The following HHAT variants were observed in gnomAD, a reference collection of about 807,000 sequenced individuals.
HHAT encodes the protein protein-cysteine N-palmitoyltransferase HHAT.
A neutral mutation model predicts 70.8 loss-of-function variants in HHAT; 47 were observed. The observed-to-expected ratio is 0.66, with a 90% CI of 0.53 to 0.85. The LOEUF (loss-of-function observed/expected upper bound fraction) is 0.85, where lower values mean the gene tolerates loss of function less well. HHAT is among the 40% of genes least tolerant of loss of function. The pLI, the probability that HHAT is intolerant of heterozygous loss-of-function variation, is 0.00. For missense variants in HHAT, 609 were observed against 604.8 expected (o/e 1.01, Z -0.07); for synonymous variants, 228 against 247.6 (o/e 0.92, Z 0.74).
chr1:210,654,540 T>G (rs1675977048), intron 11 of HHAT, among the ~76,000 whole-genome samples: 1 of 152,270 alleles, frequency 6.6e-6, no homozygotes, highest in African/African-American at 2.4e-5. Flanking sequence ...TTTATTGTTT[T>G]ACATCAGATT....
rs995098511 is a variant in HHAT, at chr1:210,571,385, G to A, written c.1044-16513G>A. ...CATGAAATGGCTCTGCTTGGCAGCTGCCCCTTGCCTGCAGTTTCTCCTGTC... is the reference window on the plus strand; with the variant it reads ...CATGAAATGGCTCTGCTTGGCAGCTACCCCTTGCCTGCAGTTTCTCCTGTC... On this transcript the variant is annotated intron_variant, in intron 9 of 11. Coordinates refer to ENST00000261458, the MANE Select transcript of HHAT (RefSeq NM_018194.6). 1.5e-3 allele frequency among the ~76,000 whole-genome samples: 225 copies of A among 152,264 alleles called. 1 individual carries two copies. The highest frequency in any genetic ancestry group is 3.1e-4 in the Non-Finnish European group (21 of 68,028).
chr1:210,366,814 T>C (rs1297022404), intron 3 of HHAT, among the ~76,000 whole-genome samples: 2 of 152,188 alleles, frequency 1.3e-5, no homozygotes, highest in African/African-American at 2.4e-5. Flanking sequence ...CTCTTCTGGA[T>C]TGGGGCTCAC....
At chr1:210,534,770 A>G (rs1244371350) in intron 9 of HHAT, among the ~76,000 whole-genome samples, 2 of 152,208 alleles carry the variant, frequency 1.3e-5, no homozygotes, top group Non-Finnish European at 2.9e-5. Flanking sequence ...ACAGAGCTCA[A>G]ACGTTTCAAA....
At chr1:210,414,970 G>GAT (rs2092675969) in intron 6 of HHAT, among the ~76,000 whole-genome samples, 1 of 152,114 alleles carries the variant, frequency 6.6e-6, no homozygotes, top group Non-Finnish European at 1.5e-5. Flanking sequence ...GGTGAGCTGA[G>GAT]ATTGTGCCAC....
chr1:210,580,409 C>T (rs1305536581), intron 9 of HHAT, among the ~76,000 whole-genome samples: 5 of 151,412 alleles, frequency 3.3e-5, no homozygotes, highest in African/African-American at 7.3e-5. Flanking sequence ...GTGTACAGAA[C>T]GTGCAGGTTT....
At chr1:210,605,012 T>TCAACAACAACAACAA (rs66718127) in intron 10 of HHAT, among the ~76,000 whole-genome samples, 606 of 150,728 alleles carry the variant, frequency 4.0e-3, no homozygotes, top group African/African-American at 7.3e-3. Context: ...TGGGCAAGAC[T>TCAACAACAACAACAA]CAACAACAAC....
chr1:210,437,376 G>T (rs924431852), intron 7 of HHAT, among the ~76,000 whole-genome samples: 1 of 151,884 alleles, frequency 6.6e-6, no homozygotes, highest in Non-Finnish European at 1.5e-5. Flanking sequence ...TGGCAGACAC[G>T]TTGGTGAATT....
intron 9 of HHAT, among the ~76,000 whole-genome samples, chr1:210,577,167 C>T (rs1657992253): frequency 6.6e-6 from 1 of 151,430 alleles, no homozygotes; most frequent in South Asian, 2.1e-4. Flanking sequence ...GTTCATATGC[C>T]TTTTATTTAT....
chr1:210,489,049 C>G (rs76114592), intron 8 of HHAT, among the ~76,000 whole-genome samples: 1,829 of 152,310 alleles, frequency 0.012, 37 homozygotes, highest in African/African-American at 0.042. Context: ...TGGTTCATGA[C>G]AAATTCTGTT....
intron 9 of HHAT, among the ~76,000 whole-genome samples, chr1:210,572,260 C>T (rs910757071): frequency 2.6e-5 from 4 of 152,240 alleles, no homozygotes; most frequent in African/African-American, 4.8e-5. Context: ...TGTCAGAGTG[C>T]GGATTTCAGT....
chr1:210,620,921 G>C (rs1459050821), intron 10 of HHAT, among the ~76,000 whole-genome samples: 2 of 150,368 alleles, frequency 1.3e-5, no homozygotes, highest in African/African-American at 4.9e-5. Flanking sequence ...AGTAGATATA[G>C]GAATTTATGG....
intron 3 of HHAT, among the ~76,000 whole-genome samples, chr1:210,364,799 G>T (rs959296141): frequency 2.9e-4 from 44 of 152,232 alleles, no homozygotes; most frequent in African/African-American, 9.9e-4. Context: ...TCTCATAACA[G>T]GTCTGGGGTC....
intron 11 of HHAT, among the ~76,000 whole-genome samples, chr1:210,669,269 G>A (rs1679600260): frequency 6.6e-6 from 1 of 152,034 alleles, no homozygotes. Context: ...CCATAATAAC[G>A]CCAAGTAAAG....
chr1:210,590,746 C>T (rs184546532), intron 10 of HHAT, among the ~76,000 whole-genome samples: 1 of 152,158 alleles, frequency 6.6e-6, no homozygotes, highest in African/African-American at 2.4e-5. Flanking sequence ...CCAGAAACGC[C>T]TTCACCAGAA....
intron 10 of HHAT, among the ~76,000 whole-genome samples, chr1:210,620,951 T>C (rs1398703824): frequency 6.6e-6 from 1 of 151,728 alleles, no homozygotes; most frequent in African/African-American, 2.4e-5. Flanking sequence ...GCTTAGAATA[T>C]GGGGGTAGTC....
intron 9 of HHAT, among the ~76,000 whole-genome samples, chr1:210,567,373 G>T (rs1655020856): frequency 6.6e-6 from 1 of 152,126 alleles, no homozygotes; most frequent in East Asian, 1.9e-4. Context: ...TAACCTCTCT[G>T]AGCTTTATTT....
chr1:210,378,302 G>C (rs980200547), intron 3 of HHAT, among the ~76,000 whole-genome samples: 1 of 152,156 alleles, frequency 6.6e-6, no homozygotes, highest in African/African-American at 2.4e-5. Context: ...GTCTTACTCA[G>C]TGTAATTAGA....
chr1:210,370,332 G>A (rs372894067), intron 3 of HHAT, among the ~76,000 whole-genome samples: 1 of 151,334 alleles, frequency 6.6e-6, no homozygotes. Context: ...CCATCACCAT[G>A]CCTGGCTAAT....
At chr1:210,412,984 G>C (rs1168510628) in intron 6 of HHAT, among the ~76,000 whole-genome samples, 1 of 152,224 alleles carries the variant, frequency 6.6e-6, no homozygotes, top group Non-Finnish European at 1.5e-5. Context: ...GGGGAGTGGG[G>C]AGCAGAGCCC....
Sources: gnomAD v4.1 joint callset for allele counts (sites outside exome capture counted in the v4.1 genomes callset) on GRCh38, gnomAD v4.1.1 for gene constraint, MANE v1.5 for transcripts, NCBI Gene and HGNC (gene_info 2026-07-23, HGNC 2026-07-21) for gene names.